DPP6: variants seen among roughly 807,000 people sequenced by gnomAD.
DPP6 encodes the protein A-type potassium channel modulatory protein DPP6.
DPP6 carries 69 observed loss-of-function variants against 122.6 expected under a neutral mutation model. The ratio of observed to expected loss-of-function variants is 0.56; its 90% CI spans 0.46 to 0.69. The LOEUF (loss-of-function observed/expected upper bound fraction) is 0.69, where lower values mean the gene tolerates loss of function less well. DPP6 is among the 30% of genes least tolerant of loss of function. The pLI is 0.00. For missense variants in DPP6, 928 were observed against 1,116.9 expected (o/e 0.83, Z 2.41); for synonymous variants, 418 against 433.1 (o/e 0.97, Z 0.43).
chr7:154,579,962 G>C (rs548285770), intron 5 of DPP6, among the ~76,000 whole-genome samples: 3 of 152,248 alleles, frequency 2.0e-5, no homozygotes, highest in Non-Finnish European at 4.4e-5. Context: ...GCACAGAAGA[G>C]AGAGAGAGAG....
intron 7 of DPP6, among the ~76,000 whole-genome samples, chr7:154,675,195 C>T (rs1477177633): frequency 6.6e-6 from 1 of 151,742 alleles, no homozygotes; most frequent in African/African-American, 2.4e-5. Context: ...ACGTCCACAC[C>T]GGGGCCTGTC....
intron 1 of DPP6, among the ~76,000 whole-genome samples, chr7:154,127,634 GACACACACACACACACAGACAC>G (rs1808009019): frequency 1.7e-5 from 1 of 59,720 alleles, no homozygotes; most frequent in Non-Finnish European, 4.8e-5. Flanking sequence ...CACACACACA[GACACACACACACACACAGACAC>G]ACACACACAC....
chr7:154,632,005 C>T (rs1835438688), intron 5 of DPP6, among the ~76,000 whole-genome samples: 3 of 152,164 alleles, frequency 2.0e-5, no homozygotes, highest in Non-Finnish European at 2.9e-5. Context: ...TCCAGTGCAG[C>T]CCCATGGTGG....
the DPP6 span, among the ~76,000 whole-genome samples, chr7:153,830,097 C>T: frequency 4.1e-3 from 617 of 152,240 alleles, 3 homozygotes; most frequent in African/African-American, 0.014. Flanking sequence ...AATTTGGGCT[C>T]AACAATAATG....
rs140349626 is a variant in DPP6 at position 154,619,421 on chromosome 7, A to G, written c.628-18400A>G. Among the ~76,000 whole-genome samples the G allele has an allele frequency of 2.2e-3, 337 of 152,332 alleles. 3 individuals carry two copies. Among genetic ancestry groups the G allele is most frequent in the Non-Finnish European group, 4.0e-3 (273 of 68,032 alleles). The stretch of plus-strand genomic sequence containing the variant: ...TCTTTTCAATTATACAGGAAAAACA[A>G]TGGAAAATTGTGATAATGAAAAGAA... On this transcript the variant is annotated intron_variant, in intron 5 of 25. Transcript: ENST00000377770.
At chr7:154,649,803 C>T (rs1051652171) in intron 6 of DPP6, among the ~76,000 whole-genome samples, 28 of 152,136 alleles carry the variant, frequency 1.8e-4, no homozygotes, top group African/African-American at 5.6e-4. Flanking sequence ...ATATCAGCCG[C>T]GAAGACAAAT....
chr7:154,307,735 C>T (rs1311371660), intron 1 of DPP6, among the ~76,000 whole-genome samples: 2 of 152,122 alleles, frequency 1.3e-5, no homozygotes, highest in African/African-American at 2.4e-5. Context: ...GCTTAGACTG[C>T]AGAACTCTTA....
chr7:154,297,074 T>A (rs981236784), intron 1 of DPP6, among the ~76,000 whole-genome samples: 6 of 139,920 alleles, frequency 4.3e-5, no homozygotes, highest in South Asian at 2.2e-4. Context: ...TTTTTTTTTT[T>A]TTGTTTTGTT....
chr7:154,092,058 G>C (rs1365903906), intron 1 of DPP6: 1 of 151,946 alleles, frequency 6.6e-6, no homozygotes, highest in Non-Finnish European at 1.5e-5. Context: ...GCAGAAAGGG[G>C]TTCTCACAGA....
upstream of DPP6, among the ~76,000 whole-genome samples, chr7:154,048,833 G>A (rs1338733595): frequency 3.2e-5 from 4 of 126,592 alleles, no homozygotes; most frequent in African/African-American, 1.1e-4. Context: ...ATGTACTTTT[G>A]TTATTCCTAC....
intron 1 of DPP6, among the ~76,000 whole-genome samples, chr7:154,312,209 C>T (rs1022504020): frequency 2.0e-5 from 3 of 152,134 alleles, no homozygotes; most frequent in African/African-American, 4.8e-5. Flanking sequence ...CCTGTTGCTG[C>T]TTTCTGCTTT....
chr7:154,820,761 G>A (rs925318250), intron 16 of DPP6, among the ~76,000 whole-genome samples: 4 of 152,160 alleles, frequency 2.6e-5, no homozygotes, highest in African/African-American at 9.7e-5. Flanking sequence ...AAGGAAGGGG[G>A]AAGAAATAAA....
intron 1 of DPP6, among the ~76,000 whole-genome samples, chr7:154,397,193 A>C (rs902697875): frequency 6.6e-6 from 1 of 151,086 alleles, no homozygotes; most frequent in Non-Finnish European, 1.5e-5. Flanking sequence ...AATAATATAA[A>C]ATAAGGTCAA....
At chr7:153,823,686 G>C in the DPP6 span, among the ~76,000 whole-genome samples, 2 of 151,656 alleles carry the variant, frequency 1.3e-5, no homozygotes, top group East Asian at 1.9e-4. Context: ...GTCTGGGAGA[G>C]CTGGGAAGAT....
At chr7:153,861,188 C>A in the DPP6 span, among the ~76,000 whole-genome samples, 2 of 151,960 alleles carry the variant, frequency 1.3e-5, no homozygotes, top group Non-Finnish European at 2.9e-5. Flanking sequence ...TTTAAGGCAA[C>A]GGGTTTAATA....
intron 1 of DPP6, among the ~76,000 whole-genome samples, chr7:154,336,541 A>G (rs1181804323): frequency 1.3e-5 from 2 of 152,178 alleles, no homozygotes; most frequent in Admixed American, 6.5e-5. Flanking sequence ...CTGGTATCAC[A>G]GGATTTGCCA....
chr7:154,368,115 T>G (rs907439438), intron 1 of DPP6, among the ~76,000 whole-genome samples: 70 of 152,224 alleles, frequency 4.6e-4, no homozygotes, highest in African/African-American at 1.6e-3. Flanking sequence ...AAATTTACTT[T>G]ATACTGTGGA....
At chr7:153,962,903 TCTTC>T (rs1013705144) in intron 1 of DPP6, among the ~76,000 whole-genome samples, 2 of 152,188 alleles carry the variant, frequency 1.3e-5, no homozygotes, top group Non-Finnish European at 2.9e-5. Context: ...CTTGGAATGC[TCTTC>T]CTTCATTTTG....
intron 1 of DPP6, among the ~76,000 whole-genome samples, chr7:154,430,899 CGTT>C (rs781508048): frequency 2.0e-4 from 31 of 151,302 alleles, no homozygotes; most frequent in African/African-American, 4.9e-4. Context: ...ATGTTTCTTT[CGTT>C]AAGTTAAGTC....
Sources: gnomAD v4.1 joint callset for allele counts (sites outside exome capture counted in the v4.1 genomes callset) on GRCh38, gnomAD v4.1.1 for gene constraint, MANE v1.5 for transcripts, NCBI Gene and HGNC (gene_info 2026-07-23, HGNC 2026-07-21) for gene names.